DOHH: variants seen among roughly 807,000 people sequenced by gnomAD.
DOHH encodes the protein HEAT-like (PBS lyase) repeat containing 1.
DOHH carries 16 observed loss-of-function variants against 19.9 expected under a neutral mutation model. The ratio of observed to expected loss-of-function variants is 0.80; its 90% CI spans 0.54 to 1.22. The LOEUF is 1.22. Among genes scored for constraint, DOHH ranks in the 50% most tolerant of loss-of-function variants. The probability of loss-of-function intolerance (pLI) is 0.00; values close to 1 mark genes in which losing one functional copy is unlikely to be tolerated. For synonymous variants in DOHH, 233 were observed against 217.0 expected (o/e 1.07, Z -0.65); for missense variants, 460 against 460.6 (o/e 1.00, Z 0.01).
In DOHH at chr19:3,492,478, CCAGCTGGCA is replaced by C; in HGVS notation, c.364_372del (p.Cys122_Leu124del). 1 of 1,405,902 alleles carries C rather than the reference CCAGCTGGCA, an allele frequency of 7.1e-7. No homozygotes were observed. The highest frequency in any genetic ancestry group is 9.2e-7 in the Non-Finnish European group (1 of 1,086,390). 87.1% of individuals were successfully genotyped at this position (1,405,902 alleles called of 1,614,324 possible). On this transcript the variant is annotated inframe_deletion, in exon 4 of 5. Coordinates refer to ENST00000427575, the MANE Select transcript of DOHH (RefSeq NM_001145165.2). ...TGCAGCCACTCCAGCCTGCGCACGG[CCAGCTGGCA>C]GGTCTCGGCCACCTGCGGGGAGGGG... is the stretch of plus-strand genomic sequence containing the variant.
chr19:3,497,789 TA>T (rs1318501386), intron 1 of DOHH, among the ~76,000 whole-genome samples: 1 of 151,826 alleles, frequency 6.6e-6, no homozygotes. Flanking sequence ...CATGCCCAGC[TA>T]ATTTTTTTTT....
chr19:3,499,852 T>A (rs1277164377), intron 1 of DOHH, among the ~76,000 whole-genome samples: 1 of 152,206 alleles, frequency 6.6e-6, no homozygotes, highest in Non-Finnish European at 1.5e-5. Flanking sequence ...CGCCAGGCAC[T>A]CCATGCTCTT....
At position 3,492,381 on chromosome 19, in the gene DOHH, T is replaced by C; in HGVS notation, c.470A>G (p.Asp157Gly). ...VDPAPPAEERDVGRLREALLD... is the reference protein window; with the variant it reads ...VDPAPPAEERGVGRLREALLD... ...CAGCGCCTCCCGCAGGCGCCCCACG[T>C]CACGCTCCTCAGCCGGCGGGGCAGG... is the stretch of plus-strand genomic sequence containing the variant. The change falls in exon 4 of 5, where the codon GAC becomes GGC. Residue 157 changes from aspartate (D) to glycine (G), a missense_variant. By Grantham distance (94) the Asp-to-Gly change is moderately conservative. Coordinates refer to ENST00000427575, the MANE Select transcript of DOHH (RefSeq NM_001145165.2). 6.5e-7 allele frequency: 1 copy of C among 1,536,330 alleles called. No homozygotes were observed. Among genetic ancestry groups the C allele is most frequent in the Admixed American group, 1.9e-5 (1 of 51,372 alleles).
chr19:3,494,295 A>C (rs1295911785), intron 2 of DOHH, among the ~76,000 whole-genome samples, 191 bp from the exon 3 acceptor site: 2 of 152,168 alleles, frequency 1.3e-5, no homozygotes, highest in African/African-American at 4.8e-5. Flanking sequence ...CCCTCCCCAG[A>C]GCAAGGCACT....
At chr19:3,494,157 T>C (rs1190611377) in intron 2 of DOHH, 53 bp from the exon 3 acceptor site, 5 of 1,536,028 alleles carry the variant, frequency 3.3e-6, no homozygotes, top group Non-Finnish European at 3.6e-6. Flanking sequence ...GTGTGGAAAA[T>C]GCCCGGCTAC....
intron 1 of DOHH, among the ~76,000 whole-genome samples, chr19:3,499,529 T>C (rs2082933726): frequency 6.6e-6 from 1 of 152,148 alleles, no homozygotes; most frequent in African/African-American, 2.4e-5. Flanking sequence ...TCCCAGCGCT[T>C]TGGGAGGCCG....
Position 3,491,474 on chromosome 19 carries a change from C to G in DOHH, c.*18G>C. On this transcript the variant is annotated 3_prime_UTR_variant, in exon 5 of 5. Coordinates refer to ENST00000427575, the MANE Select transcript of DOHH (RefSeq NM_001145165.2). The surrounding 1 kb of genome is among the most constrained non-coding windows in gnomAD (Gnocchi z 5.6). ...GGCCCTCAAGAGTCCTCCGGGAGCT[C>G]CGGGTGAGGGTGGGGCCCTAGGAGG... The G allele has an allele frequency of 6.6e-7, 1 of 1,526,626 alleles. No individual in the cohort carries two copies. Among genetic ancestry groups the G allele is most frequent in the Non-Finnish European group, 8.7e-7 (1 of 1,144,176 alleles). The allele number at this position is 1,526,626 out of a possible 1,614,324, so 94.6% of individuals were successfully genotyped here.
chr19:3,497,836 G>T (rs900144366), intron 1 of DOHH, among the ~76,000 whole-genome samples: 4 of 151,756 alleles, frequency 2.6e-5, no homozygotes, highest in Non-Finnish European at 4.4e-5. Context: ...CTTCTATGTT[G>T]CCCAGGCTGG....
intron 1 of DOHH, among the ~76,000 whole-genome samples, chr19:3,497,140 GCCAGAGGGACAGCTGACCC>G (rs1245464306): frequency 6.6e-6 from 1 of 152,148 alleles, no homozygotes; most frequent in Non-Finnish European, 1.5e-5. Context: ...CCACACAGCA[GCCAGAGGGACAGCTGACCC>G]CCAAAATGGC....
In DOHH at chr19:3,491,592, C is replaced by T. The variant is rs897476048; in HGVS notation, c.809G>A (p.Arg270His). The T allele has an allele frequency of 3.3e-6, 5 of 1,535,780 alleles. No homozygotes were observed. The highest frequency in any genetic ancestry group is 2.4e-5 in the East Asian group (1 of 40,912). Residue 270 changes from arginine (R) to histidine (H), a missense_variant, in exon 5 of 5, where the codon CGT becomes CAT. Physicochemically the swap from Arg to His is conservative, Grantham distance 29. Transcript: ENST00000427575. This position sits in a 1 kb window ranked among gnomAD's most constrained non-coding sequence, Gnocchi z 5.6. ...AHADDPERVV[R>H]ESCEVALDMY... Reference sequence around the variant, plus strand: ...GTCCAGAGCCACCTCGCAGCTCTCACGCACCACGCGCTCTGGGTCGTCCGC... The same window carrying T: ...GTCCAGAGCCACCTCGCAGCTCTCATGCACCACGCGCTCTGGGTCGTCCGC...
chr19:3,494,139 G>C (rs987471781), intron 2 of DOHH, 35 bp from the exon 3 acceptor site: 1 of 1,587,754 alleles, frequency 6.3e-7, no homozygotes, highest in Non-Finnish European at 8.6e-7. Flanking sequence ...CATGTTGGTG[G>C]GGTGGATGTG....
chr19:3,497,531 C>A (rs971887801), intron 1 of DOHH, among the ~76,000 whole-genome samples: 1 of 152,242 alleles, frequency 6.6e-6, no homozygotes, highest in Non-Finnish European at 1.5e-5. Context: ...TCCACTGAGG[C>A]CTTACCAGAG....
At chr19:3,495,896 G>A (rs959990186) in intron 2 of DOHH, among the ~76,000 whole-genome samples, 33 of 152,134 alleles carry the variant, frequency 2.2e-4, no homozygotes, top group African/African-American at 7.7e-4. Flanking sequence ...GCGACAGAGT[G>A]AGACTCTGAC....
chr19:3,497,014 C>A, intron 1 of DOHH, 128 bp from the exon 2 acceptor site: 1 of 566,504 alleles, frequency 1.8e-6, no homozygotes, highest in Non-Finnish European at 2.7e-6. Flanking sequence ...AAGCTCAGCT[C>A]CAACCTCCCT....
chr19:3,492,807 G>A (rs557828286), intron 3 of DOHH, among the ~76,000 whole-genome samples: 1 of 152,328 alleles, frequency 6.6e-6, no homozygotes, highest in East Asian at 1.9e-4. Flanking sequence ...GGACCCTGCG[G>A]GAGGGGTGAG....
At position 3,491,148 on chromosome 19, in the gene DOHH, C is replaced by T. The variant is rs185082429; in HGVS notation, c.*344G>A. ...CGCGATCCTCCCCTGGCTTCCCTCG[C>T]GATCCTCCCCTGGCTTCCCTCGCGA... On this transcript the variant is annotated 3_prime_UTR_variant, in exon 5 of 5. Coordinates refer to ENST00000427575, the MANE Select transcript of DOHH (RefSeq NM_001145165.2). The surrounding 1 kb of genome is among the most constrained non-coding windows in gnomAD (Gnocchi z 5.6). 5.2e-3 allele frequency: 1,969 copies of T among 378,156 alleles called. 30 individuals carry two copies. The highest frequency in any genetic ancestry group is 0.025 in the African/African-American group (1,126 of 44,922). 23.4% of individuals were successfully genotyped at this position (378,156 alleles called of 1,614,324 possible).
chr19:3,498,687 G>A (rs941545540), intron 1 of DOHH, among the ~76,000 whole-genome samples: 1 of 152,198 alleles, frequency 6.6e-6, no homozygotes, highest in African/African-American at 2.4e-5. Flanking sequence ...TTACAGGCTT[G>A]AGCCACCACA....
rs768414259 is a variant in DOHH at position 3,491,702 on chromosome 19, G to T, written c.699C>A (p.Thr233=). 6.6e-7 allele frequency: 1 copy of T among 1,525,854 alleles called. No homozygotes were observed. Among genetic ancestry groups the T allele is most frequent in the Non-Finnish European group, 8.8e-7 (1 of 1,139,314 alleles). The allele number at this position is 1,525,854 out of a possible 1,614,324, so 94.5% of individuals were successfully genotyped here. A position where few individuals can be genotyped will look rare whatever the true frequency, so the allele number is the denominator to read the frequency against. ...PQLAAALARC[T]ENPMVRHECA... is the part of the protein sequence containing the mutation. ...ACTCGTGCCGCACCATGGGGTTCTC[G>T]GTGCATCGGGCCAGGGCGGCCGCCA... The change falls in exon 5 of 5, where the codon ACC becomes ACA. Residue 233 remains threonine, a synonymous_variant. Coordinates refer to ENST00000427575, the MANE Select transcript of DOHH (RefSeq NM_001145165.2). The surrounding 1 kb of genome is among the most constrained non-coding windows in gnomAD (Gnocchi z 5.6).
chr19:3,494,621 G>A (rs78400313), intron 2 of DOHH, among the ~76,000 whole-genome samples: 2,413 of 152,354 alleles, frequency 0.016, 79 homozygotes, highest in African/African-American at 0.055. Context: ...CGCAAGTGCA[G>A]GCGTCGCAAG....
Sources: gnomAD v4.1 joint callset for allele counts (sites outside exome capture counted in the v4.1 genomes callset) on GRCh38, gnomAD v4.1.1 for gene constraint, Gnocchi (gnomAD v3.1) non-coding constraint, MANE v1.5 for transcripts, NCBI Gene and HGNC (gene_info 2026-07-23, HGNC 2026-07-21) for gene names.